Variants in GNA13 observed in about 807,000 individuals in gnomAD.
GNA13 encodes guanine nucleotide-binding protein subunit alpha-13.
In GNA13, 4 loss-of-function variants were observed where a neutral mutation model predicts 33.5. That is an observed-to-expected ratio of 0.12 (90% CI 0.06 to 0.27). The LOEUF is 0.27. Among genes scored for constraint, GNA13 ranks in the 10% least tolerant of loss-of-function variants. The pLI is 1.00. For synonymous variants in GNA13, 176 were observed against 183.8 expected (o/e 0.96, Z 0.34); for missense variants, 319 against 487.2 (o/e 0.65, Z 3.25).
At chr17:65,023,901 A>G (rs1486389026) in intron 2 of GNA13, among the ~76,000 whole-genome samples, 4 of 152,250 alleles carry the variant, frequency 2.6e-5, no homozygotes, top group African/African-American at 9.6e-5. Context: ...GCAAACACTG[A>G]GAAGAATCTA....
chr17:65,030,833 C>A (rs1906975063), intron 2 of GNA13, among the ~76,000 whole-genome samples: 1 of 152,138 alleles, frequency 6.6e-6, no homozygotes, highest in South Asian at 2.1e-4. Context: ...GGCAACATAG[C>A]AAGACCCCAT....
chr17:65,024,500 T>C (rs1906701755), intron 2 of GNA13, among the ~76,000 whole-genome samples: 1 of 152,278 alleles, frequency 6.6e-6, no homozygotes, highest in Non-Finnish European at 1.5e-5. Context: ...TAAAACTTTT[T>C]ATATAAATAC....
intron 2 of GNA13, among the ~76,000 whole-genome samples, chr17:65,051,443 C>CT (rs1319845627): frequency 1.3e-5 from 2 of 152,144 alleles, no homozygotes; most frequent in African/African-American, 2.4e-5. Context: ...TGGAGAAACA[C>CT]TGTCTCTACT....
intron 3 of GNA13, 26 bp downstream of exon 3, chr17:65,018,227 C>T: frequency 8.0e-7 from 1 of 1,244,084 alleles, no homozygotes; most frequent in Non-Finnish European, 1.2e-6. Context: ...TGGCACTAAA[C>T]ATAAACATTT....
At chr17:65,055,672 A>G in intron 1 of GNA13, 1 of 985,142 alleles carries the variant, frequency 1.0e-6, no homozygotes, top group Non-Finnish European at 1.2e-6. Context: ...TCCTGATTCC[A>G]GTACAGTCAA....
intron 2 of GNA13, among the ~76,000 whole-genome samples, chr17:65,037,425 C>T (rs1177316409): frequency 1.3e-5 from 2 of 152,208 alleles, no homozygotes; most frequent in Non-Finnish European, 2.9e-5. Flanking sequence ...CCATAGTCAG[C>T]ATATCCAACT....
At chr17:65,056,244 G>GCCCCCCCCCCCCCC in intron 1 of GNA13, 67 bp downstream of exon 1, 1 of 1,032,476 alleles carries the variant, frequency 9.7e-7, no homozygotes, top group Non-Finnish European at 1.4e-6. Flanking sequence ...GCGGTGCCCC[G>GCCCCCCCCCCCCCC]CCCCGCACCC....
chr17:65,043,911 C>T (rs937053032), intron 2 of GNA13, among the ~76,000 whole-genome samples: 18 of 152,018 alleles, frequency 1.2e-4, no homozygotes, highest in Non-Finnish European at 1.8e-4. Flanking sequence ...CATTTGAGGC[C>T]AAGAGTTCAA....
rs1170105341 is a variant in GNA13 at position 65,012,200 on chromosome 17, G to C, written c.*2057C>G. On this transcript the variant is annotated 3_prime_UTR_variant, in exon 4 of 4. Transcript: ENST00000439174. ...GGCAATATCTATGGTTCGTATCACA[G>C]ATCTTAACTATGACTTAAGTAAGAT... 9.1e-6 allele frequency: 2 copies of C among 219,974 alleles called. No individual in the cohort carries two copies. 13.6% of individuals were successfully genotyped at this position (219,974 alleles called of 1,614,324 possible). A position where few individuals can be genotyped will look rare whatever the true frequency, so the allele number is the denominator to read the frequency against.
At chr17:65,056,278 C>G (rs751304097) in intron 1 of GNA13, 33 bp downstream of exon 1, 10 of 1,511,442 alleles carry the variant, frequency 6.6e-6, no homozygotes, top group Non-Finnish European at 9.0e-6. Flanking sequence ...CCCCCCTGCC[C>G]TTAACCCCCG....
At position 65,011,845 on chromosome 17, in the gene GNA13, TA is replaced by T. The variant is rs1906199414; in HGVS notation, c.*2411del. 1 of 227,696 alleles carries T rather than the reference TA, an allele frequency of 4.4e-6. No homozygotes were observed. The highest frequency in any genetic ancestry group is 5.7e-5 in the Admixed American group (1 of 17,642). The allele number at this position is 227,696 out of a possible 1,614,324, so 14.1% of individuals were successfully genotyped here. A position where few individuals can be genotyped will look rare whatever the true frequency, so the allele number is the denominator to read the frequency against. On this transcript the variant is annotated 3_prime_UTR_variant, in exon 4 of 4. Transcript: ENST00000439174. ...ACTAAATTTCATCTCTCTCTTCATATAGTGGTATTTCAAAAGGATTCAGTTT... is the reference window on the plus strand; with the variant it reads ...ACTAAATTTCATCTCTCTCTTCATATGTGGTATTTCAAAAGGATTCAGTTT...
chr17:65,014,842 A>G lies in GNA13; in HGVS notation c.562-13T>C, dbSNP rs1242106644. On this transcript the variant is annotated splice_polypyrimidine_tract_variant and intron_variant, in intron 3 of 3. Coordinates refer to ENST00000439174, the MANE Select transcript of GNA13 (RefSeq NM_006572.6). This position sits in a 1 kb window ranked among gnomAD's most constrained non-coding sequence, Gnocchi z 5.3. ...ATGGAATATAATCCTGGAAAAGAAAAAACTTGTTTTATACCTATTAATCCC... is the reference window on the plus strand; with the variant it reads ...ATGGAATATAATCCTGGAAAAGAAAGAACTTGTTTTATACCTATTAATCCC... 2 of 1,575,028 alleles carry G rather than the reference A, an allele frequency of 1.3e-6. No individual in the cohort carries two copies. The highest frequency in any genetic ancestry group is 1.8e-5 in the Admixed American group (1 of 55,918).
At chr17:65,024,466 A>T (rs1906701217) in intron 2 of GNA13, among the ~76,000 whole-genome samples, 1 of 152,262 alleles carries the variant, frequency 6.6e-6, no homozygotes, top group Non-Finnish European at 1.5e-5. Flanking sequence ...CTTGCACACA[A>T]GTTTATATTT....
intron 2 of GNA13, among the ~76,000 whole-genome samples, chr17:65,028,034 C>T (rs1699213184): frequency 6.6e-6 from 1 of 151,940 alleles, no homozygotes; most frequent in Non-Finnish European, 1.5e-5. Context: ...GTCAGGAGAT[C>T]GAGCTCACGG....
chr17:65,055,477 T>TA, intron 1 of GNA13: 1 of 299,038 alleles, frequency 3.3e-6, no homozygotes, highest in Non-Finnish European at 4.9e-6. Flanking sequence ...CCAGTCTTCT[T>TA]ACTACTACAT....
Position 65,014,377 on chromosome 17 carries a change from T to G in GNA13, c.1014A>C (p.Gln338His). The G allele has an allele frequency of 6.2e-7, 1 of 1,614,066 alleles. No individual in the cohort carries two copies. The highest frequency in any genetic ancestry group is 1.1e-5 in the South Asian group (1 of 91,080). The change falls in exon 4 of 4, where the codon CAA becomes CAC. Residue 338 changes from glutamine (Q) to histidine (H), a missense_variant. Gln to His is a conservative substitution (Grantham distance 24). Around this residue, in one of 4 missense-constraint regions of GNA13, gnomAD observed 134 missense variants for 241.3 expected, o/e 0.56. Coordinates refer to ENST00000439174, the MANE Select transcript of GNA13 (RefSeq NM_006572.6). This position sits in a 1 kb window ranked among gnomAD's most constrained non-coding sequence, Gnocchi z 5.3. ...ECFRNKRRDQ[Q>H]QKPLYHHFTT... ...TGAAGTGGTGGTATAAGGGCTTCTG[T>G]TGCTGGTCCCGGCGTTTGTTCCGGA...
chr17:65,026,647 T>C (rs1255143761), intron 2 of GNA13, among the ~76,000 whole-genome samples: 1 of 152,164 alleles, frequency 6.6e-6, no homozygotes, highest in Non-Finnish European at 1.5e-5. Context: ...TCATTCAAGA[T>C]CTAATATAGT....
At chr17:65,052,791 G>T (rs939509202) in intron 2 of GNA13, among the ~76,000 whole-genome samples, 2 of 152,228 alleles carry the variant, frequency 1.3e-5, no homozygotes, top group Non-Finnish European at 2.9e-5. Context: ...CAATTTGGGA[G>T]GTCAAAGTGG....
chr17:65,009,738 C>T lies in GNA13; in HGVS notation c.*4519G>A, dbSNP rs1038149707. ...CCATTTCAAACGTTTTGCGATTCTG[C>T]CTTCAAGTAAGAGGTAAAAGGTAAA... On this transcript the variant is annotated 3_prime_UTR_variant, in exon 4 of 4. Coordinates refer to ENST00000439174, the MANE Select transcript of GNA13 (RefSeq NM_006572.6). Among the ~76,000 whole-genome samples, 10 of 152,132 alleles carry T rather than the reference C, an allele frequency of 6.6e-5. No homozygotes were observed. Among genetic ancestry groups the T allele is most frequent in the African/African-American group, 2.2e-4 (9 of 41,422 alleles).
Sources: gnomAD v4.1 joint callset for allele counts (sites outside exome capture counted in the v4.1 genomes callset) on GRCh38, gnomAD v4.1.1 for gene constraint, gnomAD v4.1.1 regional missense constraint, Gnocchi (gnomAD v3.1) non-coding constraint, MANE v1.5 for transcripts, NCBI Gene and HGNC (gene_info 2026-07-23, HGNC 2026-07-21) for gene names.